The following MGAT4C variants were observed in gnomAD, a reference collection of about 807,000 sequenced individuals.
MGAT4C encodes MGAT4 family member C.
Under a neutral mutation model 40.1 loss-of-function variants are expected in MGAT4C, and 19 were observed. The ratio of observed to expected loss-of-function variants is 0.47; its 90% CI spans 0.33 to 0.70. The LOEUF is 0.70. Ranked by LOEUF, MGAT4C falls within the 30% of genes least tolerant of loss-of-function variation. MGAT4C has a pLI of 0.02. For missense variants in MGAT4C, 491 were observed against 563.2 expected (o/e 0.87, Z 1.30); for synonymous variants, 181 against 187.1 (o/e 0.97, Z 0.27).
At chr12:86,340,154 C>T (rs917592511) in intron 3 of MGAT4C, among the ~76,000 whole-genome samples, 1 of 152,104 alleles carries the variant, frequency 6.6e-6, no homozygotes, top group African/African-American at 2.4e-5. Context: ...GCTTCATGTG[C>T]TTTTATTCTT....
At chr12:86,042,531 T>C (rs1044501620) in intron 2 of MGAT4C, among the ~76,000 whole-genome samples, 19 of 152,110 alleles carry the variant, frequency 1.2e-4, no homozygotes, top group Admixed American at 5.2e-4. Context: ...AGCATTTGCT[T>C]GTCTGAAAAG....
At chr12:85,988,066 C>A (rs1347422103) in intron 3 of MGAT4C, among the ~76,000 whole-genome samples, 2 of 152,034 alleles carry the variant, frequency 1.3e-5, no homozygotes, top group Non-Finnish European at 2.9e-5. Context: ...TAAAAATATT[C>A]AAAAATGCAT....
chr12:86,734,214 T>C (rs1405669409), intron 1 of MGAT4C, among the ~76,000 whole-genome samples: 2 of 151,958 alleles, frequency 1.3e-5, no homozygotes, highest in African/African-American at 4.8e-5. Context: ...AAAGACAAAT[T>C]AAAAATAATT....
intron 2 of MGAT4C, among the ~76,000 whole-genome samples, chr12:86,506,211 C>T (rs1958470378): frequency 6.6e-6 from 1 of 152,166 alleles, no homozygotes; most frequent in Non-Finnish European, 1.5e-5. Context: ...TCAAGTCCTA[C>T]TCCAAATAGA....
chr12:85,986,497 T>C (rs1885216773), intron 3 of MGAT4C, among the ~76,000 whole-genome samples: 1 of 152,208 alleles, frequency 6.6e-6, no homozygotes, highest in African/African-American at 2.4e-5. Context: ...CATATATCTC[T>C]AATACATAAG....
intron 1 of MGAT4C, among the ~76,000 whole-genome samples, chr12:86,161,047 T>C (rs1885534926): frequency 1.3e-5 from 2 of 152,056 alleles, no homozygotes; most frequent in South Asian, 4.1e-4. Context: ...TGCTCATGGA[T>C]TGGAAGAATC....
chr12:86,813,594 AT>A (rs1952520837), intron 1 of MGAT4C, among the ~76,000 whole-genome samples: 1 of 152,120 alleles, frequency 6.6e-6, no homozygotes, highest in African/African-American at 2.4e-5. Context: ...ATATGACAAT[AT>A]TTTTTATAAC....
chr12:86,702,516 T>C (rs1950381963), intron 2 of MGAT4C, among the ~76,000 whole-genome samples: 1 of 152,204 alleles, frequency 6.6e-6, no homozygotes, highest in Admixed American at 6.5e-5. Context: ...AAGTCATTGC[T>C]CATTTACCAT....
At chr12:86,112,003 T>A (rs1877509487) in intron 1 of MGAT4C, among the ~76,000 whole-genome samples, 1 of 151,864 alleles carries the variant, frequency 6.6e-6, no homozygotes, top group South Asian at 2.1e-4. Flanking sequence ...TACATGTGTA[T>A]ACTGTGCAAG....
At chr12:86,297,826 G>C (rs1183270512) in intron 4 of MGAT4C, among the ~76,000 whole-genome samples, 1 of 152,090 alleles carries the variant, frequency 6.6e-6, no homozygotes, top group Non-Finnish European at 1.5e-5. Context: ...ATACAAGCAT[G>C]TTACCAACAT....
intron 2 of MGAT4C, among the ~76,000 whole-genome samples, chr12:86,700,154 CAGACAGACAGACAGACAGACAGACAGAT>C (rs201696251): frequency 6.3e-5 from 2 of 31,898 alleles, no homozygotes; most frequent in Non-Finnish European, 1.7e-4. Flanking sequence ...GACAGACAGA[CAGACAGACAGACAGACAGACAGACAGAT>C]AGATAGATAG....
chr12:86,610,181 T>A (rs1962197989), intron 2 of MGAT4C, among the ~76,000 whole-genome samples: 1 of 152,106 alleles, frequency 6.6e-6, no homozygotes, highest in Non-Finnish European at 1.5e-5. Context: ...TTTAAAAGGT[T>A]TTGTAAAGGT....
At chr12:86,549,757 G>A (rs1299736773) in intron 2 of MGAT4C, among the ~76,000 whole-genome samples, 1 of 152,160 alleles carries the variant, frequency 6.6e-6, no homozygotes, top group African/African-American at 2.4e-5. Flanking sequence ...ACTGGAGGGA[G>A]AGTGCTGAAA....
intron 2 of MGAT4C, among the ~76,000 whole-genome samples, chr12:86,526,693 C>G (rs373377388): frequency 6.6e-5 from 10 of 152,286 alleles, no homozygotes; most frequent in African/African-American, 2.4e-4. Context: ...TTCCCTAGGA[C>G]TAAAGTCTCC....
chr12:86,834,203 TA>T (rs1268738959), intron 1 of MGAT4C, among the ~76,000 whole-genome samples: 5 of 147,858 alleles, frequency 3.4e-5, no homozygotes, highest in Non-Finnish European at 1.5e-5. Flanking sequence ...GATATAGATA[TA>T]GATATAGATA....
chr12:86,578,835 A>G (rs924569203), intron 2 of MGAT4C, among the ~76,000 whole-genome samples: 1 of 149,476 alleles, frequency 6.7e-6, no homozygotes, highest in Admixed American at 6.7e-5. Flanking sequence ...TGTATTTTTT[A>G]TTTCATCTAT....
At chr12:86,148,752 C>T (rs998756229) in intron 1 of MGAT4C, among the ~76,000 whole-genome samples, 1 of 152,140 alleles carries the variant, frequency 6.6e-6, no homozygotes, top group Non-Finnish European at 1.5e-5. Context: ...AGAATAGACA[C>T]ACATTTTTAA....
chr12:86,123,936 G>GA (rs148444735), intron 1 of MGAT4C, among the ~76,000 whole-genome samples: 1 of 151,780 alleles, frequency 6.6e-6, no homozygotes, highest in Non-Finnish European at 1.5e-5. Context: ...TGAGATGTAG[G>GA]AAAAAAATAG....
At chr12:86,473,941 A>G (rs1351036249) in intron 2 of MGAT4C, among the ~76,000 whole-genome samples, 1 of 152,132 alleles carries the variant, frequency 6.6e-6, no homozygotes, top group Admixed American at 6.5e-5. Flanking sequence ...GTTTCTATCA[A>G]TGGATAAAAT....
Sources: allele counts gnomAD v4.1 joint callset (sites outside exome capture counted in the v4.1 genomes callset), GRCh38; gene constraint gnomAD v4.1.1; transcripts MANE v1.5; gene names NCBI Gene and HGNC (gene_info 2026-07-23, HGNC 2026-07-21).